The following HTR2C variants were observed in gnomAD, a reference collection of about 807,000 sequenced individuals.
The protein encoded by HTR2C is 5-hydroxytryptamine (serotonin) receptor 2C, G protein-coupled.
A neutral mutation model predicts 21.0 loss-of-function variants in HTR2C; 5 were observed. The ratio of observed to expected loss-of-function variants is 0.24; its 90% confidence interval spans 0.12 to 0.50. The LOEUF (loss-of-function observed/expected upper bound fraction) is 0.50. Ranked by LOEUF, HTR2C falls within the 20% of genes least tolerant of loss-of-function variation. HTR2C has a pLI of 0.98. For synonymous variants in HTR2C, 150 were observed against 145.3 expected, an observed-to-expected ratio of 1.03 and a Z score of -0.23; for missense variants, 271 against 371.2, an observed-to-expected ratio of 0.73 and a Z score of 2.22.
intron 4 of HTR2C, among the ~76,000 whole-genome samples, chrX:114,827,295 T>C (rs948373502): frequency 3.6e-5 from 4 of 110,911 alleles, no homozygotes; most frequent in Admixed American, 1.9e-4. Flanking sequence ...AACCTATATA[T>C]ACATATTTTT....
intron 5 of HTR2C, among the ~76,000 whole-genome samples, chrX:114,861,780 C>T (rs2071008549): frequency 9.0e-6 from 1 of 111,359 alleles, no homozygotes; most frequent in African/African-American, 3.2e-5. Context: ...TTTATGTCTT[C>T]CACAGAGAAG....
Position 114,724,114 on chromosome X carries a change from G to T in HTR2C, c.-79-2744G>T, listed in dbSNP as rs140894960. 7.6e-3 allele frequency among the ~76,000 whole-genome samples: 801 copies of T among 105,616 alleles called. 18 individuals carry two copies. Among genetic ancestry groups the T allele is most frequent in the Admixed American group, 0.068 (650 of 9,512 alleles). The allele number at this position is 105,616 out of a possible 115,157, so 91.7% of individuals were successfully genotyped here. A position where few individuals can be genotyped will look rare whatever the true frequency, so the allele number is the denominator to read the frequency against. On this transcript the variant is annotated intron_variant, in intron 2 of 5. Coordinates refer to ENST00000276198, the MANE Select transcript of HTR2C (RefSeq NM_000868.4). ...TTGATATGTCTAATGTTGACAGTGG[G>T]GTGTTAAAGTCCTCCATTATTATTG...
At chrX:114,687,840 G>A (rs1045574893) in intron 2 of HTR2C, among the ~76,000 whole-genome samples, 1 of 111,423 alleles carries the variant, frequency 9.0e-6, no homozygotes, top group Non-Finnish European at 1.9e-5. Flanking sequence ...TGTCTCAAGC[G>A]TTTTCCTTTT....
Sources: gnomAD v4.1 joint callset for allele counts (sites outside exome capture counted in the v4.1 genomes callset) on GRCh38, gnomAD v4.1.1 for gene constraint, MANE v1.5 for transcripts, NCBI Gene and HGNC (gene_info 2026-07-23, HGNC 2026-07-21) for gene names.